The following GARIN5A variants were observed in gnomAD, a reference collection of about 807,000 sequenced individuals.
GARIN5A encodes golgi associated RAB2 interactor 5A.
the GARIN5A span, among the ~76,000 whole-genome samples, chr19:50,469,146 C>G: frequency 6.6e-6 from 1 of 152,180 alleles, no homozygotes; most frequent in African/African-American, 2.4e-5. Flanking sequence ...CCCTTGCTCC[C>G]TCTCTGCCCT....
the GARIN5A span, among the ~76,000 whole-genome samples, chr19:50,468,130 G>A: frequency 6.6e-6 from 1 of 152,158 alleles, no homozygotes; most frequent in African/African-American, 2.4e-5. Context: ...GGAGGCTGAG[G>A]CAGGAGGATC....
At chr19:50,475,295 A>G in the GARIN5A span, 2 of 1,549,108 alleles carry the variant, frequency 1.3e-6, no homozygotes, top group Admixed American at 3.6e-5. Context: ...TGAGGGAGGA[A>G]GGGGTCTCGG....
chr19:50,473,870 C>G, the GARIN5A span, among the ~76,000 whole-genome samples: 1 of 152,016 alleles, frequency 6.6e-6, no homozygotes, highest in Non-Finnish European at 1.5e-5. Flanking sequence ...TCCTGTAATC[C>G]CAGCTACTCA....
the GARIN5A span, chr19:50,475,787 A>C: frequency 2.2e-6 from 3 of 1,394,390 alleles, no homozygotes; most frequent in South Asian, 3.5e-5. Context: ...GAGGAGGTCG[A>C]GGGGCAGGCC....
At chr19:50,476,561 C>G in the GARIN5A span, 2 of 1,575,082 alleles carry the variant, frequency 1.3e-6, no homozygotes, top group East Asian at 4.7e-5. Context: ...GCAGCCAGCG[C>G]TGGGGCAACC....
chr19:50,475,719 G>C, the GARIN5A span: 1 of 786,328 alleles, frequency 1.3e-6, no homozygotes, highest in Non-Finnish European at 2.1e-6. Context: ...CATAGGAGTT[G>C]GGAGTCGGGA....
At chr19:50,474,346 ATTTT>A in the GARIN5A span, among the ~76,000 whole-genome samples, 9 of 124,372 alleles carry the variant, frequency 7.2e-5, no homozygotes, top group Non-Finnish European at 1.5e-4. Flanking sequence ...CACCTGGCTA[ATTTT>A]TTTTTTTTTT....
the GARIN5A span, chr19:50,475,885 C>T: frequency 6.2e-7 from 1 of 1,614,008 alleles, no homozygotes; most frequent in Non-Finnish European, 8.5e-7. Context: ...GTCGAATTCG[C>T]CGCTCTGGAG....
the GARIN5A span, among the ~76,000 whole-genome samples, chr19:50,472,197 T>C: frequency 1.4e-5 from 2 of 147,666 alleles, no homozygotes; most frequent in East Asian, 1.9e-4. Flanking sequence ...CATGTATGTG[T>C]GCATGTATAT....
At chr19:50,476,484 C>T in the GARIN5A span, 4 of 1,575,094 alleles carry the variant, frequency 2.5e-6, no homozygotes, top group Non-Finnish European at 3.4e-6. Flanking sequence ...GCCTGTTCCT[C>T]CCGGCGTGCT....
chr19:50,475,167 T>C, the GARIN5A span: 2 of 1,162,552 alleles, frequency 1.7e-6, no homozygotes, highest in Non-Finnish European at 2.3e-6. Context: ...AGGGCTGCTC[T>C]GTCCTTGTTC....
At chr19:50,472,187 CATGTAT>C in the GARIN5A span, among the ~76,000 whole-genome samples, 1 of 119,166 alleles carries the variant, frequency 8.4e-6, no homozygotes, top group African/African-American at 4.1e-5. Flanking sequence ...TGTATGTATA[CATGTAT>C]GTGTGCATGT....
At chr19:50,472,293 ATATATGTATATATACATGTATGTG>A in the GARIN5A span, among the ~76,000 whole-genome samples, 2 of 145,948 alleles carry the variant, frequency 1.4e-5, no homozygotes. Flanking sequence ...GTATGTGTGT[ATATATGTATATATACATGTATGTG>A]TGTATATATA....
the GARIN5A span, chr19:50,476,357 T>C: frequency 1.9e-6 from 3 of 1,573,460 alleles, no homozygotes; most frequent in Non-Finnish European, 1.7e-6. Flanking sequence ...AGGGGGCGGC[T>C]CCTGGAGATC....
chr19:50,467,752 C>T, the GARIN5A span: 2 of 1,610,394 alleles, frequency 1.2e-6, no homozygotes, highest in Non-Finnish European at 1.7e-6. Flanking sequence ...GAAGGTGCGG[C>T]TGGTGTTCAA....
chr19:50,471,659 CGTGTGTGTATACGCATACATGCACGT>C, the GARIN5A span, among the ~76,000 whole-genome samples: 15 of 102,260 alleles, frequency 1.5e-4, no homozygotes, highest in South Asian at 2.2e-3. Flanking sequence ...CATACATGCA[CGTGTGTGTATACGCATACATGCACGT>C]GTGTGTATAC....
chr19:50,472,313 A>G, the GARIN5A span, among the ~76,000 whole-genome samples: 2 of 150,526 alleles, frequency 1.3e-5, no homozygotes, highest in East Asian at 1.9e-4. Flanking sequence ...ATATACATGT[A>G]TGTGTGTATA....
chr19:50,476,510 C>G, the GARIN5A span: 1 of 1,570,188 alleles, frequency 6.4e-7, no homozygotes, highest in South Asian at 1.1e-5. Context: ...GCTCTTGGCT[C>G]ACAGCCGTCC....
At chr19:50,476,749 C>T in the GARIN5A span, 6 of 819,066 alleles carry the variant, frequency 7.3e-6, no homozygotes, top group Non-Finnish European at 1.1e-5. Context: ...AAGGAGGCTG[C>T]GCAGGGCTGA....
Sources: allele counts gnomAD v4.1 joint callset (sites outside exome capture counted in the v4.1 genomes callset), GRCh38; gene constraint gnomAD v4.1.1; transcripts MANE v1.5; gene names NCBI Gene and HGNC (gene_info 2026-07-23, HGNC 2026-07-21).